The following FGF12 variants were observed in gnomAD, a reference collection of about 807,000 sequenced individuals.
FGF12 encodes fibroblast growth factor 12B.
FGF12 carries 14 observed loss-of-function variants against 23.6 expected under a neutral mutation model. The observed-to-expected ratio is 0.59, with a 90% CI of 0.39 to 0.93. FGF12 has a LOEUF of 0.93. Among genes scored for constraint, FGF12 ranks in the 40% least tolerant of loss-of-function variants. The pLI, the probability that FGF12 is intolerant of heterozygous loss-of-function variation, is 0.00. For missense variants in FGF12, 175 were observed against 217.8 expected, an observed-to-expected ratio of 0.80 and a Z score of 1.24; for synonymous variants, 62 against 77.3, an observed-to-expected ratio of 0.80 and a Z score of 1.04.
intron 3 of FGF12, among the ~76,000 whole-genome samples, chr3:192,348,240 G>A (rs923820): frequency 0.23 from 34,781 of 151,954 alleles, 4,150 homozygotes; most frequent in Admixed American, 0.3. Context: ...TTCCAGATTC[G>A]GTCTCAATGT....
At chr3:192,352,460 T>C (rs1043718385) in intron 3 of FGF12, among the ~76,000 whole-genome samples, 1 of 152,240 alleles carries the variant, frequency 6.6e-6, no homozygotes, top group African/African-American at 2.4e-5. Context: ...CTCAGATACA[T>C]AGATGCTGCT....
At chr3:192,650,436 C>T (rs1427467054) in intron 2 of FGF12, among the ~76,000 whole-genome samples, 5 of 152,172 alleles carry the variant, frequency 3.3e-5, no homozygotes, top group Admixed American at 2.6e-4. Flanking sequence ...TGATAAACTC[C>T]TACTCATTCT....
chr3:192,703,427 A>G (rs1051002311), intron 2 of FGF12, among the ~76,000 whole-genome samples: 2 of 152,236 alleles, frequency 1.3e-5, no homozygotes, highest in Non-Finnish European at 2.9e-5. Flanking sequence ...CTGGTGAAGA[A>G]TCTGGCCTTG....
intron 4 of FGF12, among the ~76,000 whole-genome samples, chr3:192,192,096 C>T (rs558284128): frequency 1.3e-5 from 2 of 152,276 alleles, no homozygotes; most frequent in South Asian, 4.1e-4. Context: ...AATCATTCTT[C>T]AATCTCATTG....
chr3:192,688,706 A>G (rs1284536835), intron 2 of FGF12, among the ~76,000 whole-genome samples: 1 of 152,206 alleles, frequency 6.6e-6, no homozygotes, highest in Non-Finnish European at 1.5e-5. Flanking sequence ...TAAAAATACT[A>G]TTACTATATA....
chr3:192,605,426 T>C (rs948265301), intron 2 of FGF12, among the ~76,000 whole-genome samples: 3 of 151,170 alleles, frequency 2.0e-5, no homozygotes, highest in African/African-American at 7.3e-5. Flanking sequence ...AAACACTGTT[T>C]TGTACATTGG....
intron 4 of FGF12, among the ~76,000 whole-genome samples, chr3:192,179,367 T>C (rs1051506033): frequency 3.9e-5 from 6 of 152,116 alleles, no homozygotes; most frequent in African/African-American, 7.2e-5. Context: ...ACAAGGTAAA[T>C]TTATACCATC....
intron 4 of FGF12, among the ~76,000 whole-genome samples, chr3:192,239,764 C>T (rs2108593669): frequency 6.6e-6 from 1 of 152,336 alleles, no homozygotes; most frequent in East Asian, 1.9e-4. Context: ...CATCTCCAAC[C>T]CCCAACTAGT....
At chr3:192,472,324 T>C (rs1723198526) in intron 2 of FGF12, among the ~76,000 whole-genome samples, 2 of 152,112 alleles carry the variant, frequency 1.3e-5, no homozygotes. Flanking sequence ...CCTAATATTT[T>C]TAAATCTGTA....
intron 2 of FGF12, among the ~76,000 whole-genome samples, chr3:192,602,643 T>A (rs760366805): frequency 2.0e-5 from 3 of 151,734 alleles, no homozygotes; most frequent in Non-Finnish European, 4.4e-5. Context: ...AAAAGATCTA[T>A]GATACCACTG....
At chr3:192,160,301 C>T (rs994276950) in intron 5 of FGF12, among the ~76,000 whole-genome samples, 1 of 152,050 alleles carries the variant, frequency 6.6e-6, no homozygotes, top group African/African-American at 2.4e-5. Context: ...ATAGTCTTTC[C>T]TTTCTCTCTA....
intron 2 of FGF12, among the ~76,000 whole-genome samples, chr3:192,432,620 C>CAAAAAAAAAAAAAAA (rs201364119): frequency 9.4e-6 from 1 of 106,726 alleles, no homozygotes; most frequent in African/African-American, 3.7e-5. Flanking sequence ...TGACATCTGG[C>CAAAAAAAAAAAAAAA]AAAAAAAAAA....
intron 3 of FGF12, among the ~76,000 whole-genome samples, chr3:192,352,219 T>C (rs767265824): frequency 1.3e-5 from 2 of 152,124 alleles, no homozygotes; most frequent in Non-Finnish European, 2.9e-5. Flanking sequence ...ATATTAGGAG[T>C]CAGATCCCCA....
Position 192,360,534 on chromosome 3 carries a change from G to A in FGF12, c.18C>T (p.Pro6=). The change falls in exon 3 of 6, where the codon CCC becomes CCT. Residue 6 remains proline (P), a synonymous_variant. Coordinates refer to ENST00000445105, the MANE Select transcript of FGF12 (RefSeq NM_004113.6). The surrounding 1 kb of genome is among the most constrained non-coding windows in gnomAD (Gnocchi z 4.3). MESKE[P]QLKGIVTRLF... ...ACCTTGTCACAATCCCTTTGAGCTG[G>A]GGTTCTGCAAAACAAAATAATTATT... 1 of 1,611,674 alleles carries A rather than the reference G, an allele frequency of 6.2e-7. No individual in the cohort carries two copies. The highest frequency in any genetic ancestry group is 8.5e-7 in the Non-Finnish European group (1 of 1,177,964).
intron 2 of FGF12, among the ~76,000 whole-genome samples, chr3:192,380,190 G>A (rs1216214286): frequency 2.0e-5 from 3 of 152,184 alleles, no homozygotes; most frequent in African/African-American, 7.2e-5. Flanking sequence ...AGTTCCAGGT[G>A]TCCAAGTTTC....
rs935464071 is a variant in FGF12, at chr3:192,626,683, G to C, written c.13+100498C>G. ...GCTGAAGTGCAGTGGTGCTATCATA[G>C]CTCCCTGCAGCCTCCAACTCCTGGG... On this transcript the variant is annotated intron_variant, in intron 2 of 5. Coordinates refer to ENST00000445105, the MANE Select transcript of FGF12 (RefSeq NM_004113.6). Among the ~76,000 whole-genome samples the C allele has an allele frequency of 2.0e-5, 3 of 152,142 alleles. No individual in the cohort carries two copies. The South Asian group carries it at 6.2e-4, about 31-fold the overall frequency.
chr3:192,630,941 G>T (rs1715370407), intron 2 of FGF12, among the ~76,000 whole-genome samples: 1 of 151,932 alleles, frequency 6.6e-6, no homozygotes, highest in South Asian at 2.1e-4. Flanking sequence ...AACAGCTGAG[G>T]CTAAAGCTAT....
At chr3:192,165,207 G>A (rs755859957) in intron 5 of FGF12, among the ~76,000 whole-genome samples, 13 of 151,632 alleles carry the variant, frequency 8.6e-5, no homozygotes, top group Non-Finnish European at 1.6e-4. Context: ...CACCTGCCTC[G>A]ACTTCCCAAA....
intron 2 of FGF12, among the ~76,000 whole-genome samples, chr3:192,381,568 A>C (rs1719812982): frequency 6.6e-6 from 1 of 152,214 alleles, no homozygotes; most frequent in Non-Finnish European, 1.5e-5. Flanking sequence ...GTTCTGAAGG[A>C]GTCCTGGCTG....
Sources: allele counts gnomAD v4.1 joint callset (sites outside exome capture counted in the v4.1 genomes callset), GRCh38; gene constraint gnomAD v4.1.1; non-coding constraint Gnocchi (gnomAD v3.1); transcripts MANE v1.5; gene names NCBI Gene and HGNC (gene_info 2026-07-23, HGNC 2026-07-21).